The following CAST variants were observed in gnomAD, a reference collection of about 807,000 sequenced individuals.
The protein encoded by CAST is MIR583 host.
In CAST, 76 loss-of-function variants were observed where a neutral mutation model predicts 119.6. The ratio of observed to expected loss-of-function variants is 0.64; its 90% CI spans 0.53 to 0.77. CAST has a LOEUF of 0.77. Ranked by LOEUF, CAST falls within the 30% of genes least tolerant of loss-of-function variation. The pLI is 0.00. For missense variants in CAST, 953 were observed against 946.5 expected (o/e 1.01, Z -0.09); for synonymous variants, 319 against 331.6 (o/e 0.96, Z 0.41).
chr5:96,398,848 A>G, the CAST span: 18 of 1,576,938 alleles, frequency 1.1e-5, no homozygotes, highest in Non-Finnish European at 1.4e-5. Flanking sequence ...ACACTTAAAA[A>G]TATAAATGGC....
the CAST span, among the ~76,000 whole-genome samples, chr5:96,267,727 C>A: frequency 1.3e-5 from 2 of 152,056 alleles, no homozygotes; most frequent in Non-Finnish European, 2.9e-5. Context: ...AAAAATAAAA[C>A]ATTTGGAAGA....
the CAST span, among the ~76,000 whole-genome samples, chr5:96,269,077 C>T: frequency 6.6e-6 from 1 of 152,132 alleles, no homozygotes; most frequent in Non-Finnish European, 1.5e-5. Context: ...GCCCCTCTAG[C>T]CATGTGGAAC....
chr5:96,475,636 G>A, the CAST span, among the ~76,000 whole-genome samples: 120 of 152,308 alleles, frequency 7.9e-4, 1 homozygote, highest in African/African-American at 2.8e-3. Flanking sequence ...ACCCTATTAA[G>A]CACACAGATT....
the CAST span, among the ~76,000 whole-genome samples, chr5:96,494,087 T>C: frequency 3.3e-5 from 5 of 152,212 alleles, no homozygotes; most frequent in South Asian, 2.1e-4. Flanking sequence ...TAATCCCTCA[T>C]TGAATGGAGG....
chr5:96,706,433 A>T (rs1419248624), intron 3 of CAST, among the ~76,000 whole-genome samples: 1 of 152,214 alleles, frequency 6.6e-6, no homozygotes, highest in Non-Finnish European at 1.5e-5. Flanking sequence ...TGCTGTCACG[A>T]TACTGTAAAA....
At chr5:96,743,581 TG>T in intron 16 of CAST, 1 of 1,593,428 alleles carries the variant, frequency 6.3e-7, no homozygotes, top group African/African-American at 1.4e-5. Flanking sequence ...GGAGTCTCCC[TG>T]ACTTCCAGCA....
chr5:96,247,072 A>T, the CAST span, among the ~76,000 whole-genome samples: 1 of 152,172 alleles, frequency 6.6e-6, no homozygotes, highest in Non-Finnish European at 1.5e-5. Context: ...TATGAATTTT[A>T]TTTGGGGTTT....
At chr5:96,561,216 G>T (rs1746352896) in intron 1 of CAST, among the ~76,000 whole-genome samples, 1 of 119,988 alleles carries the variant, frequency 8.3e-6, no homozygotes, top group African/African-American at 3.1e-5. Context: ...GTGGGGGGAG[G>T]GGAGACGGAT....
At chr5:96,359,748 CTCTG>C in the CAST span, among the ~76,000 whole-genome samples, 2 of 152,184 alleles carry the variant, frequency 1.3e-5, no homozygotes, top group African/African-American at 4.8e-5. Context: ...TGACCTTTCT[CTCTG>C]TCTGCCCTTA....
intron 3 of CAST, among the ~76,000 whole-genome samples, chr5:96,710,335 A>C (rs27852): frequency 0.64 from 97,494 of 151,906 alleles, 31,726 homozygotes; most frequent in Non-Finnish European, 0.71. Context: ...GGTCCTTTCA[A>C]TGAGCCACTA....
the CAST span, among the ~76,000 whole-genome samples, chr5:96,420,370 TTGTC>T: frequency 6.6e-6 from 1 of 152,144 alleles, no homozygotes; most frequent in African/African-American, 2.4e-5. Context: ...AGCAAAAAGT[TTGTC>T]TGAGGGTCTG....
At chr5:96,187,654 A>G in the CAST span, among the ~76,000 whole-genome samples, 1,071 of 152,220 alleles carry the variant, frequency 7.0e-3, 11 homozygotes, top group African/African-American at 0.025. Context: ...ATGGTTTGTA[A>G]GCTCCCTGAG....
At chr5:96,489,690 T>C in the CAST span, among the ~76,000 whole-genome samples, 2 of 152,082 alleles carry the variant, frequency 1.3e-5, no homozygotes, top group African/African-American at 4.8e-5. Context: ...AAACCACAGC[T>C]GTCTAGGGGA....
the CAST span, among the ~76,000 whole-genome samples, chr5:96,469,166 C>A: frequency 5.9e-5 from 9 of 152,064 alleles, no homozygotes; most frequent in African/African-American, 2.2e-4. Flanking sequence ...AAAGTAATTC[C>A]TGTGGCAACT....
At chr5:96,469,897 C>CAT in the CAST span, among the ~76,000 whole-genome samples, 11 of 134,486 alleles carry the variant, frequency 8.2e-5, no homozygotes, top group African/African-American at 2.3e-4. Flanking sequence ...TATACACACA[C>CAT]ATATATATAA....
chr5:96,266,788 G>A, the CAST span, among the ~76,000 whole-genome samples: 1 of 152,078 alleles, frequency 6.6e-6, no homozygotes, highest in Non-Finnish European at 1.5e-5. Context: ...ATAAACAACA[G>A]CAAATAGAGC....
chr5:96,709,548 C>T (rs1455511928), intron 3 of CAST, among the ~76,000 whole-genome samples: 2 of 152,132 alleles, frequency 1.3e-5, no homozygotes, highest in Non-Finnish European at 2.9e-5. Context: ...TTTATTAGAA[C>T]ACAGACTAAT....
intron 1 of CAST, among the ~76,000 whole-genome samples, chr5:96,533,024 C>CAA: frequency 7.7e-6 from 1 of 129,816 alleles, no homozygotes; most frequent in African/African-American, 2.8e-5. Flanking sequence ...GACCTGGTCT[C>CAA]AAAAAAAAAA....
At chr5:96,482,479 C>G in the CAST span, among the ~76,000 whole-genome samples, 1 of 151,596 alleles carries the variant, frequency 6.6e-6, no homozygotes, top group Non-Finnish European at 1.5e-5. Context: ...ATCCTGATGT[C>G]TATTATGCTT....
Sources: gnomAD v4.1 joint callset for allele counts (sites outside exome capture counted in the v4.1 genomes callset) on GRCh38, gnomAD v4.1.1 for gene constraint, MANE v1.5 for transcripts, NCBI Gene and HGNC (gene_info 2026-07-23, HGNC 2026-07-21) for gene names.